The following ARHGAP15 variants were observed in gnomAD, a reference collection of about 807,000 sequenced individuals.
ARHGAP15 encodes Rho GTPase activating protein 15, also known as rho GTPase-activating protein 15.
In ARHGAP15, 51 loss-of-function variants were observed where a neutral mutation model predicts 63.7. The observed-to-expected ratio is 0.80, with a 90% CI of 0.64 to 1.01. The LOEUF (loss-of-function observed/expected upper bound fraction) is 1.01, where lower values mean the gene tolerates loss of function less well. Among genes scored for constraint, ARHGAP15 ranks in the 50% least tolerant of loss-of-function variants. ARHGAP15 has a pLI of 0.00. For synonymous variants in ARHGAP15, 191 were observed against 193.8 expected, an observed-to-expected ratio of 0.99 and a Z score of 0.12; for missense variants, 560 against 564.6, an observed-to-expected ratio of 0.99 and a Z score of 0.08.
At chr2:143,325,945 C>G (rs568537699) in intron 6 of ARHGAP15, among the ~76,000 whole-genome samples, 1 of 152,112 alleles carries the variant, frequency 6.6e-6, no homozygotes, top group African/African-American at 2.4e-5. Context: ...ATATTGCCCA[C>G]ACTGATCTTC....
intron 2 of ARHGAP15, among the ~76,000 whole-genome samples, chr2:143,181,172 C>A (rs1364011661): frequency 6.6e-6 from 1 of 152,104 alleles, no homozygotes; most frequent in Non-Finnish European, 1.5e-5. Flanking sequence ...TAGGTCTCAA[C>A]AATGGGCTTA....
rs1179091737 is a variant in ARHGAP15, at chr2:143,637,893, T to G, written c.1138+13626T>G. ...GACATTTAGGCAGCCAAAAAACACA[T>G]GAAAAAATGCTCACCATCACTGGCC... On this transcript the variant is annotated intron_variant, in intron 12 of 13. Coordinates refer to ENST00000295095, the MANE Select transcript of ARHGAP15 (RefSeq NM_018460.4). 5.3e-5 allele frequency among the ~76,000 whole-genome samples: 8 copies of G among 151,930 alleles called. No individual in the cohort carries two copies. In the East Asian group the frequency reaches 1.4e-3, roughly 26 times the overall value.
At chr2:143,705,646 G>A (rs1237569706) in intron 13 of ARHGAP15, among the ~76,000 whole-genome samples, 2 of 152,044 alleles carry the variant, frequency 1.3e-5, no homozygotes, top group East Asian at 1.9e-4. Flanking sequence ...TAAAACAAAT[G>A]GAAAAGTATA....
intron 11 of ARHGAP15, among the ~76,000 whole-genome samples, chr2:143,592,978 A>T (rs1697379514): frequency 6.6e-6 from 1 of 152,198 alleles, no homozygotes; most frequent in East Asian, 1.9e-4. Context: ...ATAAAGAGAC[A>T]CTTTTGTTCT....
At chr2:143,556,577 A>G (rs1695809323) in intron 11 of ARHGAP15, 92 bp downstream of exon 11, 2 of 862,984 alleles carry the variant, frequency 2.3e-6, no homozygotes, top group Admixed American at 2.7e-5. Flanking sequence ...AATAATAATA[A>G]AACTTTAACA....
At chr2:143,292,062 G>C (rs1165880458) in intron 6 of ARHGAP15, among the ~76,000 whole-genome samples, 1 of 151,980 alleles carries the variant, frequency 6.6e-6, no homozygotes, top group Non-Finnish European at 1.5e-5. Flanking sequence ...CTACAGCCAA[G>C]TGCCCCAAAT....
intron 4 of ARHGAP15, among the ~76,000 whole-genome samples, chr2:143,224,460 A>G (rs973616350): frequency 2.6e-5 from 4 of 152,128 alleles, no homozygotes; most frequent in African/African-American, 9.7e-5. Context: ...AAATGCTCTT[A>G]AGAGGAGAGA....
chr2:143,385,479 C>A (rs975549359), intron 6 of ARHGAP15, among the ~76,000 whole-genome samples: 11 of 152,202 alleles, frequency 7.2e-5, no homozygotes, highest in Middle Eastern at 3.4e-3. Flanking sequence ...CATTGGAAAG[C>A]CTTTTTTTCT....
chr2:143,252,053 C>G (rs1481288616), intron 6 of ARHGAP15, among the ~76,000 whole-genome samples: 10 of 152,010 alleles, frequency 6.6e-5, no homozygotes, highest in African/African-American at 2.4e-5. Flanking sequence ...AATTTAGCAT[C>G]CTAATCACCA....
intron 9 of ARHGAP15, among the ~76,000 whole-genome samples, chr2:143,510,400 G>A (rs1350850808): frequency 6.6e-6 from 1 of 152,162 alleles, no homozygotes; most frequent in East Asian, 1.9e-4. Context: ...CCAGTCTAGA[G>A]CGATTGATGA....
chr2:143,206,864 T>A (rs987112825), intron 3 of ARHGAP15, among the ~76,000 whole-genome samples: 1 of 152,066 alleles, frequency 6.6e-6, no homozygotes, highest in Non-Finnish European at 1.5e-5. Context: ...TGCTCTGAAG[T>A]AGTCGATGAA....
At chr2:143,330,612 C>A (rs1684507758) in intron 6 of ARHGAP15, among the ~76,000 whole-genome samples, 2 of 152,136 alleles carry the variant, frequency 1.3e-5, no homozygotes, top group Non-Finnish European at 2.9e-5. Context: ...AGCACATACA[C>A]AATATTGCTA....
chr2:143,297,731 A>G (rs1682705931), intron 6 of ARHGAP15, among the ~76,000 whole-genome samples: 1 of 152,012 alleles, frequency 6.6e-6, no homozygotes, highest in African/African-American at 2.4e-5. Context: ...ATGTCTCTCA[A>G]ACCATGGAAA....
chr2:143,282,746 A>G (rs1289832553), intron 6 of ARHGAP15, among the ~76,000 whole-genome samples: 2 of 152,170 alleles, frequency 1.3e-5, no homozygotes, highest in East Asian at 1.9e-4. Flanking sequence ...CACACAGCTG[A>G]TAAATTACAG....
intron 12 of ARHGAP15, among the ~76,000 whole-genome samples, chr2:143,694,468 T>A (rs1443304906): frequency 1.3e-5 from 2 of 151,916 alleles, no homozygotes; most frequent in Non-Finnish European, 2.9e-5. Flanking sequence ...TAGCTGGCAG[T>A]TTTTTTTCCG....
intron 11 of ARHGAP15, among the ~76,000 whole-genome samples, chr2:143,574,173 C>T (rs2105127815): frequency 6.6e-6 from 1 of 152,228 alleles, no homozygotes; most frequent in South Asian, 2.1e-4. Context: ...GACACTCACT[C>T]ACACACATCC....
intron 6 of ARHGAP15, among the ~76,000 whole-genome samples, chr2:143,297,087 G>T (rs745664500): frequency 6.6e-6 from 1 of 151,928 alleles, no homozygotes; most frequent in Non-Finnish European, 1.5e-5. Context: ...ATCTTCCTGA[G>T]GGGGAGCCTT....
At chr2:143,496,325 A>G (rs375279864) in intron 9 of ARHGAP15, among the ~76,000 whole-genome samples, 3 of 152,330 alleles carry the variant, frequency 2.0e-5, no homozygotes, top group East Asian at 3.9e-4. Context: ...TTGTGCACAC[A>G]GGAAACAATC....
intron 2 of ARHGAP15, among the ~76,000 whole-genome samples, chr2:143,187,441 G>A (rs370353099): frequency 6.6e-6 from 1 of 152,190 alleles, no homozygotes; most frequent in Admixed American, 6.5e-5. Flanking sequence ...AAAGAATGCA[G>A]GGGTTCCTTC....
Sources: gnomAD v4.1 joint callset for allele counts (sites outside exome capture counted in the v4.1 genomes callset) on GRCh38, gnomAD v4.1.1 for gene constraint, MANE v1.5 for transcripts, NCBI Gene and HGNC (gene_info 2026-07-23, HGNC 2026-07-21) for gene names.